The following SIN3A variants were observed in gnomAD, a reference collection of about 807,000 sequenced individuals.
SIN3A encodes paired amphipathic helix protein Sin3a.
SIN3A carries 14 observed loss-of-function variants against 146.1 expected under a neutral mutation model. The ratio of observed to expected loss-of-function variants is 0.10; its 90% CI spans 0.06 to 0.15. The LOEUF (loss-of-function observed/expected upper bound fraction) is 0.15, where lower values mean the gene tolerates loss of function less well. SIN3A is among the 10% of genes least tolerant of loss of function. The pLI is 1.00. For missense variants in SIN3A, 1,028 were observed against 1,576.0 expected, an observed-to-expected ratio of 0.65 and a Z score of 5.89; for synonymous variants, 572 against 572.0, an observed-to-expected ratio of 1.00 and a Z score of 0.00.
chr15:75,375,527 T>C, intron 20 of SIN3A, 138 bp downstream of exon 20: 6 of 680,918 alleles, frequency 8.8e-6, no homozygotes, highest in Admixed American at 5.1e-5. Flanking sequence ...GCAACCAACA[T>C]ACGTACTTCC....
At chr15:75,425,461 C>T (rs1048566206) in intron 2 of SIN3A, among the ~76,000 whole-genome samples, 3 of 152,214 alleles carry the variant, frequency 2.0e-5, no homozygotes, top group African/African-American at 7.2e-5. Flanking sequence ...AGCCACCGCG[C>T]CTGGCCTACT....
At chr15:75,373,798 T>C (rs1455170391) in intron 20 of SIN3A, among the ~76,000 whole-genome samples, 1 of 151,292 alleles carries the variant, frequency 6.6e-6, no homozygotes, top group African/African-American at 2.4e-5. Context: ...GTATATATAA[T>C]ACATACAACA....
In SIN3A at chr15:75,396,502, G is replaced by A. The variant is rs750007834; in HGVS notation, c.1855-6C>T. On this transcript the variant is annotated splice_polypyrimidine_tract_variant and splice_region_variant and intron_variant, in intron 12 of 20. Coordinates refer to ENST00000394947, the MANE Select transcript of SIN3A (RefSeq NM_001145358.2). ...GTCTCTAAAACTACATCAAGCTGAA[G>A]AGGAAGACAAAGAAGGGTATGCTCA... The A allele has an allele frequency of 1.2e-6, 2 of 1,600,660 alleles. No homozygotes were observed. Among genetic ancestry groups the A allele is most frequent in the Admixed American group, 3.4e-5 (2 of 59,654 alleles).
intron 1 of SIN3A, among the ~76,000 whole-genome samples, chr15:75,434,242 G>A (rs147571065): frequency 6.6e-6 from 1 of 152,300 alleles, no homozygotes; most frequent in African/African-American, 2.4e-5. Context: ...AAGCAGAAAT[G>A]CTTTAGTAGC....
chr15:75,384,693 T>C (rs768570783), intron 16 of SIN3A, among the ~76,000 whole-genome samples: 1 of 152,138 alleles, frequency 6.6e-6, no homozygotes, highest in Non-Finnish European at 1.5e-5. Flanking sequence ...ATAAGAACCA[T>C]AGAGAACTCA....
chr15:75,435,754 G>T (rs993543170), intron 1 of SIN3A, among the ~76,000 whole-genome samples: 1 of 150,788 alleles, frequency 6.6e-6, no homozygotes, highest in Non-Finnish European at 1.5e-5. Flanking sequence ...CATACAGCAT[G>T]ATCTCATGTA....
intron 9 of SIN3A, among the ~76,000 whole-genome samples, chr15:75,405,983 T>C (rs2051521958): frequency 1.3e-5 from 2 of 152,116 alleles, no homozygotes; most frequent in African/African-American, 4.8e-5. Flanking sequence ...TCAACACTCT[T>C]GCAGGACTCT....
In SIN3A at chr15:75,389,731, T is replaced by C. The variant is rs2073161206; in HGVS notation, c.2942A>G (p.Asp981Gly). 6.2e-7 allele frequency: 1 copy of C among 1,614,104 alleles called. No individual in the cohort carries two copies. Among genetic ancestry groups the C allele is most frequent in the Non-Finnish European group, 8.5e-7 (1 of 1,179,986 alleles). Residue 981 changes from aspartate (D) to glycine (G), a missense_variant, in exon 16 of 21, where the codon GAT becomes GGT. Asp to Gly is a moderately conservative substitution (Grantham distance 94, BLOSUM62 -1). Transcript: ENST00000394947. ...AATGGTGAACATCTCTCTCAGTGAA[T>C]CTTCATACTGTGATGAGTCTATGTT... ...DGNIDSSQYE[D>G]SLREMFTIHA...
chr15:75,376,106 T>TA (rs919450487), intron 19 of SIN3A: 28 of 570,402 alleles, frequency 4.9e-5, no homozygotes, highest in Middle Eastern at 4.7e-4. Context: ...TGTAGCCAGT[T>TA]AAGAGTTTTA....
intron 1 of SIN3A, among the ~76,000 whole-genome samples, chr15:75,445,942 T>C (rs891469946): frequency 6.6e-6 from 1 of 152,156 alleles, no homozygotes; most frequent in Non-Finnish European, 1.5e-5. Flanking sequence ...CTATGTATCC[T>C]CTACCATGCT....
chr15:75,413,162 G>C (rs1200581475), intron 4 of SIN3A, 117 bp from the exon 5 acceptor site: 2 of 958,770 alleles, frequency 2.1e-6, no homozygotes, highest in Non-Finnish European at 3.0e-6. Context: ...GCCCAGGCTG[G>C]ACTGCAATGG....
chr15:75,401,804 C>T, intron 10 of SIN3A, 48 bp downstream of exon 10: 1 of 1,086,400 alleles, frequency 9.2e-7, no homozygotes, highest in Non-Finnish European at 1.4e-6. Flanking sequence ...TCAAACATTA[C>T]CTGGTCTCCA....
intron 9 of SIN3A, among the ~76,000 whole-genome samples, chr15:75,403,825 C>T (rs1168201908): frequency 6.6e-6 from 1 of 152,134 alleles, no homozygotes; most frequent in East Asian, 1.9e-4. Flanking sequence ...GGATTACAGG[C>T]GTGAGCCACT....
chr15:75,445,869 T>G (rs1169298786), intron 1 of SIN3A, among the ~76,000 whole-genome samples: 1 of 152,162 alleles, frequency 6.6e-6, no homozygotes, highest in Non-Finnish European at 1.5e-5. Context: ...CATCTCACAC[T>G]GCTTTTATCA....
chr15:75,429,145 C>T (rs2073972980), intron 2 of SIN3A, among the ~76,000 whole-genome samples: 2 of 152,128 alleles, frequency 1.3e-5, no homozygotes, highest in Admixed American at 6.6e-5. Context: ...ATTGGCCAGA[C>T]GCAGTGGCTC....
intron 19 of SIN3A, chr15:75,376,125 C>G (rs1303067665): frequency 7.4e-6 from 4 of 542,550 alleles, no homozygotes; most frequent in Non-Finnish European, 9.9e-6. Context: ...TAATGAGAAA[C>G]TTCTAGGCCT....
At chr15:75,425,422 G>A (rs2073908523) in intron 2 of SIN3A, among the ~76,000 whole-genome samples, 1 of 152,050 alleles carries the variant, frequency 6.6e-6, no homozygotes, top group Non-Finnish European at 1.5e-5. Context: ...CCCGTCTTGG[G>A]CTCCCAAAGT....
chr15:75,402,632 T>TTTTTG (rs1310830151), intron 9 of SIN3A, among the ~76,000 whole-genome samples: 4 of 152,090 alleles, frequency 2.6e-5, no homozygotes, highest in African/African-American at 7.2e-5. Context: ...ATAAGGAGTT[T>TTTTTG]TTTTGTTTTG....
intron 14 of SIN3A, 59 bp from the exon 15 acceptor site, chr15:75,392,874 C>A: frequency 2.4e-6 from 3 of 1,240,404 alleles, no homozygotes; most frequent in Non-Finnish European, 3.4e-6. Context: ...AACATGTCTA[C>A]AAGACCACAT....
Sources: allele counts gnomAD v4.1 joint callset (sites outside exome capture counted in the v4.1 genomes callset), GRCh38; gene constraint gnomAD v4.1.1; transcripts MANE v1.5; gene names NCBI Gene and HGNC (gene_info 2026-07-23, HGNC 2026-07-21).